Variants in MAP3K7 observed in about 807,000 individuals in gnomAD.
MAP3K7 encodes the protein TGF-beta activated kinase 1.
In MAP3K7, 21 loss-of-function variants were observed where a neutral mutation model predicts 84.8. The ratio of observed to expected loss-of-function variants is 0.25; its 90% CI spans 0.18 to 0.36. The LOEUF is 0.36. Ranked by LOEUF, MAP3K7 falls within the 10% of genes least tolerant of loss-of-function variation. The pLI is 1.00. For synonymous variants in MAP3K7, 241 were observed against 247.7 expected, an observed-to-expected ratio of 0.97 and a Z score of 0.25; for missense variants, 503 against 747.7, an observed-to-expected ratio of 0.67 and a Z score of 3.82.
chr6:90,540,877 G>T (rs890389489), intron 12 of MAP3K7, among the ~76,000 whole-genome samples: 3 of 151,888 alleles, frequency 2.0e-5, no homozygotes, highest in Non-Finnish European at 4.4e-5. Context: ...ATTTTTAAAA[G>T]AAATGTAAAA....
Position 90,550,556 on chromosome 6 carries a change from A to G in MAP3K7, c.868-7T>C, listed in dbSNP as rs1375234224. ...CATCTGCTCCTGGAAAGTACTATATATAAAAAAGTAAACCACAGCTTAAAA... is the reference window on the plus strand; with the variant it reads ...CATCTGCTCCTGGAAAGTACTATATGTAAAAAAGTAAACCACAGCTTAAAA... On this transcript the variant is annotated splice_region_variant and splice_polypyrimidine_tract_variant and intron_variant, in intron 8 of 16. Transcript: ENST00000369329. The G allele has an allele frequency of 1.9e-6, 3 of 1,566,586 alleles. No homozygotes were observed. Among genetic ancestry groups the G allele is most frequent in the South Asian group, 1.1e-5 (1 of 87,792 alleles).
chr6:90,563,031 C>G (rs1776579351), intron 3 of MAP3K7, among the ~76,000 whole-genome samples: 1 of 152,116 alleles, frequency 6.6e-6, no homozygotes, highest in African/African-American at 2.4e-5. Flanking sequence ...AGAAGGAAAA[C>G]TAATAAACAG....
chr6:90,561,004 A>G (rs1376080530), intron 4 of MAP3K7, among the ~76,000 whole-genome samples: 1 of 152,184 alleles, frequency 6.6e-6, no homozygotes, highest in Non-Finnish European at 1.5e-5. Context: ...ATCCATCACA[A>G]TGATGAACAC....
At chr6:90,581,295 T>C (rs769852923) in intron 1 of MAP3K7, among the ~76,000 whole-genome samples, 9 of 152,214 alleles carry the variant, frequency 5.9e-5, no homozygotes, top group Admixed American at 2.6e-4. Context: ...GTTCAGTGAC[T>C]ACAGCTGTCA....
rs1288161556 is a variant in MAP3K7, at chr6:90,515,878, C to T, written c.*623G>A. The stretch of plus-strand genomic sequence containing the variant: ...AGTCTAACAAAATCCGGTAAAACTG[C>T]TTTCATTAAATAGAGCAGCTGCCAC... On this transcript the variant is annotated 3_prime_UTR_variant, in exon 17 of 17. Transcript: ENST00000369329. The T allele has an allele frequency of 6.6e-6, 1 of 152,242 alleles. No individual in the cohort carries two copies. Among genetic ancestry groups the T allele is most frequent in the Non-Finnish European group, 1.5e-5 (1 of 67,914 alleles). 9.4% of individuals were successfully genotyped at this position (152,242 alleles called of 1,614,324 possible).
rs536762184 is a variant in MAP3K7 at position 90,585,013 on chromosome 6, A to G, written c.120+1751T>C. On this transcript the variant is annotated intron_variant, in intron 1 of 16. Transcript: ENST00000369329. The stretch of plus-strand genomic sequence containing the variant: ...TCTTCTTTTAGCCATATGACCTTAA[A>G]GCAGGTCACATTTCCTCTCTGGAAC... Among the ~76,000 whole-genome samples the G allele has an allele frequency of 2.6e-5, 4 of 152,334 alleles. No homozygotes were observed. The South Asian group carries it at 8.3e-4, about 32-fold the overall frequency.
At chr6:90,569,701 A>G (rs940775244) in intron 2 of MAP3K7, among the ~76,000 whole-genome samples, 1 of 151,282 alleles carries the variant, frequency 6.6e-6, no homozygotes, top group African/African-American at 2.4e-5. Flanking sequence ...CTGATCTCAA[A>G]CTCCTGGGCT....
At chr6:90,586,054 T>C (rs9362755) in intron 1 of MAP3K7, among the ~76,000 whole-genome samples, 9,021 of 152,232 alleles carry the variant, frequency 0.059, 476 homozygotes, top group African/African-American at 0.13. Flanking sequence ...AGAAGTCGAA[T>C]ATAATACAAT....
intron 3 of MAP3K7, among the ~76,000 whole-genome samples, 178 bp from the exon 4 acceptor site, chr6:90,561,845 G>C (rs763352908): frequency 6.6e-6 from 1 of 152,168 alleles, no homozygotes; most frequent in Non-Finnish European, 1.5e-5. Context: ...GACTAAGACT[G>C]TCTTCTAGGA....
intron 2 of MAP3K7, among the ~76,000 whole-genome samples, chr6:90,570,218 A>G (rs1416391640): frequency 6.6e-6 from 1 of 152,198 alleles, no homozygotes; most frequent in Non-Finnish European, 1.5e-5. Flanking sequence ...GTGCACAAAC[A>G]GCATACATTT....
chr6:90,515,264 T>TA lies in MAP3K7; in HGVS notation c.*1236dup, dbSNP rs1180171887. ...ACTGGTATCAAAATGTGACTTATTT[T>TA]AACACCAACTGAAAAAATATAGAGT... On this transcript the variant is annotated 3_prime_UTR_variant, in exon 17 of 17. Transcript: ENST00000369329. 1 of 152,010 alleles carries TA rather than the reference T, an allele frequency of 6.6e-6. No homozygotes were observed. Among genetic ancestry groups the TA allele is most frequent in the Non-Finnish European group, 1.5e-5 (1 of 67,910 alleles). 9.4% of individuals were successfully genotyped at this position (152,010 alleles called of 1,614,324 possible).
chr6:90,566,260 GAGGA>G (rs1226662772), intron 3 of MAP3K7, among the ~76,000 whole-genome samples: 1 of 152,174 alleles, frequency 6.6e-6, no homozygotes, highest in African/African-American at 2.4e-5. Flanking sequence ...ATTAGGAAAA[GAGGA>G]AGTCAAATTG....
At chr6:90,533,161 G>C (rs1039337495) in intron 13 of MAP3K7, among the ~76,000 whole-genome samples, 3 of 152,134 alleles carry the variant, frequency 2.0e-5, no homozygotes, top group Admixed American at 2.0e-4. Flanking sequence ...GAGCCTATCT[G>C]GCACAAAGTC....
At chr6:90,529,083 G>C (rs1367145372) in intron 13 of MAP3K7, among the ~76,000 whole-genome samples, 3 of 152,140 alleles carry the variant, frequency 2.0e-5, no homozygotes, top group Non-Finnish European at 4.4e-5. Context: ...AGGACATGGA[G>C]TGCCTAACAG....
chr6:90,577,100 A>C (rs576566648), intron 1 of MAP3K7, among the ~76,000 whole-genome samples: 1 of 152,342 alleles, frequency 6.6e-6, no homozygotes, highest in South Asian at 2.1e-4. Context: ...CAAACAAGCA[A>C]CAATAGCTAC....
rs1327522043 is a variant in MAP3K7, at chr6:90,513,621, C to G, written c.*2880G>C. The stretch of plus-strand genomic sequence containing the variant: ...AATTTTATTAAAAACAAAAATAAAT[C>G]TAAAAAGCTTCCTTCAGTTACAAAT... On this transcript the variant is annotated 3_prime_UTR_variant, in exon 17 of 17. Transcript: ENST00000369329. 6.6e-6 allele frequency: 1 copy of G among 152,056 alleles called. No homozygotes were observed. Among genetic ancestry groups the G allele is most frequent in the Non-Finnish European group, 1.5e-5 (1 of 67,974 alleles). 9.4% of individuals were successfully genotyped at this position (152,056 alleles called of 1,614,324 possible). A position where few individuals can be genotyped will look rare whatever the true frequency, so the allele number is the denominator to read the frequency against.
rs574073575 is a variant in MAP3K7, at chr6:90,566,460, C to T, written c.297+2098G>A. Among the ~76,000 whole-genome samples, 1,375 of 152,228 alleles carry T rather than the reference C, an allele frequency of 9.0e-3. 28 individuals carry two copies. The highest frequency in any genetic ancestry group is 0.031 in the African/African-American group (1,294 of 41,542). ...CAAATCATGAGTGAACTCCCATTCA[C>T]AATTGCTTCAAAGAGAATAAAATAC... On this transcript the variant is annotated intron_variant, in intron 3 of 16. Transcript: ENST00000369329.
chr6:90,536,498 T>C, intron 12 of MAP3K7, 97 bp from the exon 13 acceptor site: 1 of 718,576 alleles, frequency 1.4e-6, no homozygotes, highest in Non-Finnish European at 2.2e-6. Context: ...TGTTGCTCCT[T>C]GGATCTACAC....
At chr6:90,517,457 TCAC>T (rs370996680) in intron 16 of MAP3K7, among the ~76,000 whole-genome samples, 30 of 151,876 alleles carry the variant, frequency 2.0e-4, no homozygotes, top group African/African-American at 7.2e-4. Context: ...GTCATAGTTT[TCAC>T]AGCCAACACC....
Sources: allele counts gnomAD v4.1 joint callset (sites outside exome capture counted in the v4.1 genomes callset), GRCh38; gene constraint gnomAD v4.1.1; transcripts MANE v1.5; gene names NCBI Gene and HGNC (gene_info 2026-07-23, HGNC 2026-07-21).